Variants in PDCD11 observed in about 807,000 individuals in gnomAD.
PDCD11 encodes protein RRP5 homolog.
A neutral mutation model predicts 198.9 loss-of-function variants in PDCD11; 97 were observed. The observed-to-expected ratio is 0.49, with a 90% CI of 0.41 to 0.58. The LOEUF is 0.58. Among genes scored for constraint, PDCD11 ranks in the 20% least tolerant of loss-of-function variants. The pLI, the probability that PDCD11 is intolerant of heterozygous loss-of-function variation, is 0.00. For missense variants in PDCD11, 2,102 were observed against 2,312.7 expected, an observed-to-expected ratio of 0.91 and a Z score of 1.87; for synonymous variants, 893 against 918.0, an observed-to-expected ratio of 0.97 and a Z score of 0.49.
At chr10:103,404,734 G>C (rs1192343459) in intron 4 of PDCD11, among the ~76,000 whole-genome samples, 1 of 152,240 alleles carries the variant, frequency 6.6e-6, no homozygotes, top group Non-Finnish European at 1.5e-5. Context: ...ATTGCAGTGA[G>C]CCGAAGAATG....
At position 103,417,967 on chromosome 10, in the gene PDCD11, T is replaced by TA. The variant is rs758674999; in HGVS notation, c.1911+36dup. The TA allele has an allele frequency of 3.1e-6, 5 of 1,611,388 alleles. No individual in the cohort carries two copies. The South Asian group carries it at 3.3e-5, about 11-fold the overall frequency. The stretch of plus-strand genomic sequence containing the variant: ...CTTCTCTGGACAAGCTATTTTATGT[T>TA]ACAGTGGCAGAGAGCAGGGAACCAC... On this transcript the variant is annotated intron_variant, in intron 14 of 35. Transcript: ENST00000369797.
chr10:103,424,619 C>G (rs947058911), intron 19 of PDCD11, among the ~76,000 whole-genome samples: 1 of 152,174 alleles, frequency 6.6e-6, no homozygotes, highest in Non-Finnish European at 1.5e-5. Context: ...AGGACAGATT[C>G]AGGAACCACA....
chr10:103,445,303 A>T (rs2032558983), intron 35 of PDCD11, 75 bp from the exon 36 acceptor site: 1 of 1,405,720 alleles, frequency 7.1e-7, no homozygotes, highest in Admixed American at 1.7e-5. Context: ...GGCTGAGAGC[A>T]AGTGGGTGAG....
rs146207561 is a variant in PDCD11 at position 103,414,087 on chromosome 10, G to T, written c.1307G>T (p.Arg436Leu). The change falls in exon 10 of 36, where the codon CGA (arginine) becomes CTA (leucine). Residue 436 changes from arginine to leucine, a missense_variant. Arg to Leu is a moderately radical substitution (Grantham distance 102, BLOSUM62 -2). Transcript: ENST00000369797. ...GATGAACTGGCCTTGCTCTCTCTAC[G>T]AACGTAAGTCTGTCATTAACAGGTA... ...QMDELALLSLRTSIIEAQYLR... is the reference protein window; with the variant it reads ...QMDELALLSLLTSIIEAQYLR... 3 of 1,610,312 alleles carry T rather than the reference G, an allele frequency of 1.9e-6. No homozygotes were observed. Among genetic ancestry groups the T allele is most frequent in the Admixed American group, 3.4e-5 (2 of 59,578 alleles).
chr10:103,434,947 G>A lies in PDCD11; in HGVS notation c.3817G>A (p.Glu1273Lys). Reference protein sequence around the residue: ...MSDSYSETPLEDFVPQKVVRC... With the variant: ...MSDSYSETPLKDFVPQKVVRC... ...TGACTCCTACTCCGAGACGCCCCTG[G>A]AAGACTTCGTCCCCCAGAAGGTTGT... Residue 1273 changes from glutamate (E) to lysine (K), a missense_variant, in exon 25 of 36, where the codon GAA (glutamate) becomes AAA (lysine). Physicochemically the swap from Glu to Lys is moderately conservative, Grantham distance 56 (BLOSUM62 1). Coordinates refer to ENST00000369797, the MANE Select transcript of PDCD11 (RefSeq NM_014976.2). 6.3e-7 allele frequency: 1 copy of A among 1,583,646 alleles called. No individual in the cohort carries two copies. The highest frequency in any genetic ancestry group is 8.6e-7 in the Non-Finnish European group (1 of 1,164,590).
intron 12 of PDCD11, among the ~76,000 whole-genome samples, chr10:103,415,835 G>T (rs1374688657): frequency 6.6e-6 from 1 of 152,178 alleles, no homozygotes. Flanking sequence ...TATGACAAAG[G>T]CTCGAATCCG....
At chr10:103,400,331 G>T in intron 2 of PDCD11, 66 bp from the exon 3 acceptor site, 1 of 1,491,380 alleles carries the variant, frequency 6.7e-7, no homozygotes, top group Non-Finnish European at 9.1e-7. Flanking sequence ...ACCTGAAATA[G>T]GAGGGAAAAC....
In PDCD11 at chr10:103,421,539, G is replaced by T; in HGVS notation, c.2469G>T (p.Gln823His). 6.4e-7 allele frequency: 1 copy of T among 1,568,898 alleles called. No homozygotes were observed. Among genetic ancestry groups the T allele is most frequent in the South Asian group, 1.2e-5 (1 of 85,574 alleles). ...TGAATCAGTGCCTGGAGGAGCTGCA[G>T]GGCGTGCGCAGCCTTATGAGCAACC... ...LLLNQCLEEL[Q>H]GVRSLMSNRD... is the part of the protein sequence containing the mutation. The change falls in exon 17 of 36, where the codon CAG (glutamine) becomes CAT (histidine). Residue 823 changes from glutamine to histidine, a missense_variant. By Grantham distance (24) the Gln-to-His change is conservative. Coordinates refer to ENST00000369797, the MANE Select transcript of PDCD11 (RefSeq NM_014976.2).
chr10:103,444,796 G>C, intron 35 of PDCD11, 114 bp downstream of exon 35: 1 of 970,622 alleles, frequency 1.0e-6, no homozygotes, highest in Non-Finnish European at 1.6e-6. Context: ...AAACCAGCTA[G>C]ATGTGATGCC....
At chr10:103,421,840 G>A (rs1010810532) in intron 17 of PDCD11, among the ~76,000 whole-genome samples, 5 of 150,818 alleles carry the variant, frequency 3.3e-5, no homozygotes, top group South Asian at 4.2e-4. Context: ...GGTGGCGGGC[G>A]CCTGTAGTCC....
Position 103,432,234 on chromosome 10 carries a change from A to G in PDCD11, c.3474A>G (p.Lys1158=). 3 of 1,603,696 alleles carry G rather than the reference A, an allele frequency of 1.9e-6. No individual in the cohort carries two copies. The highest frequency in any genetic ancestry group is 2.6e-6 in the Non-Finnish European group (3 of 1,170,524). Residue 1158 remains lysine, a splice_region_variant and synonymous_variant, in exon 22 of 36, where the codon AAA becomes AAG. Coordinates refer to ENST00000369797, the MANE Select transcript of PDCD11 (RefSeq NM_014976.2). ...AGQTVTCFLK[K]YNVVKKWLEV... is the part of the protein sequence containing the mutation. ...AGACTGTTACTTGCTTCTTAAAGAA[A>G]GTAAGTAGTTTTGCCACTCGGCAAT...
rs568474225 is a variant in PDCD11 at position 103,415,241 on chromosome 10, G to A, written c.1518+90G>A. On this transcript the variant is annotated intron_variant, in intron 12 of 35. Coordinates refer to ENST00000369797, the MANE Select transcript of PDCD11 (RefSeq NM_014976.2). ...GTTTCTGCCTTTTTCCACAAAGTGA[G>A]TGTGTAATGTCTGTAGTGTGTCTTG... 1.2e-4 allele frequency: 164 copies of A among 1,318,132 alleles called. 1 individual carries two copies. In the South Asian group the frequency reaches 2.0e-3, roughly 16 times the overall value. 81.7% of individuals were successfully genotyped at this position (1,318,132 alleles called of 1,614,324 possible). A position where few individuals can be genotyped will look rare whatever the true frequency, so the allele number is the denominator to read the frequency against.
chr10:103,430,986 G>T (rs1028501269), intron 21 of PDCD11, among the ~76,000 whole-genome samples: 14 of 151,938 alleles, frequency 9.2e-5, no homozygotes, highest in African/African-American at 2.9e-4. Flanking sequence ...TTTTAGTAGA[G>T]ACGGGGTTTC....
Position 103,443,954 on chromosome 10 carries a change from C to T in PDCD11, c.5164C>T (p.Arg1722Trp), listed in dbSNP as rs749639931. Reference sequence around the variant, plus strand: ...CTACAACCGGATGCTGAAGCGTTTCCGGCAGGAGAAAGCTGTGTGGATCAA... The same window carrying T: ...CTACAACCGGATGCTGAAGCGTTTCTGGCAGGAGAAAGCTGTGTGGATCAA... ...ELYNRMLKRF[R>W]QEKAVWIKYG... Residue 1722 changes from arginine (R) to tryptophan (W), a missense_variant, in exon 34 of 36, where the codon CGG (arginine) becomes TGG (tryptophan). Arg to Trp is a moderately radical substitution (Grantham distance 101). Transcript: ENST00000369797. 17 of 1,614,046 alleles carry T rather than the reference C, an allele frequency of 1.1e-5. No individual in the cohort carries two copies. Among genetic ancestry groups the T allele is most frequent in the African/African-American group, 6.7e-5 (5 of 74,906 alleles).
chr10:103,440,223 C>T (rs1462480785), intron 28 of PDCD11, 67 bp from the exon 29 acceptor site: 1 of 1,539,778 alleles, frequency 6.5e-7, no homozygotes, highest in Non-Finnish European at 8.7e-7. Flanking sequence ...AGGAAAAAGG[C>T]CTGGGCCGCC....
intron 18 of PDCD11, 152 bp downstream of exon 18, chr10:103,423,289 T>TTGC: frequency 1.3e-6 from 1 of 770,796 alleles, no homozygotes; most frequent in Non-Finnish European, 2.0e-6. Flanking sequence ...TGCAAAGGCT[T>TTGC]AGGTATGAAT....
At chr10:103,409,865 T>A (rs1292342825) in intron 8 of PDCD11, 59 bp downstream of exon 8, 7 of 1,229,560 alleles carry the variant, frequency 5.7e-6, no homozygotes, top group Non-Finnish European at 7.2e-6. Flanking sequence ...TGCTGTCCAG[T>A]ATCACAGCTA....
Position 103,406,799 on chromosome 10 carries a change from T to C in PDCD11, c.870+9T>C. ...AAGCTCAGGTACAGAAGGTAAGCTG[T>C]TATGCTACTACTACTTTTTAAAATA... On this transcript the variant is annotated intron_variant, in intron 7 of 35. Transcript: ENST00000369797. The C allele has an allele frequency of 1.9e-6, 3 of 1,589,840 alleles. No individual in the cohort carries two copies. The South Asian group carries it at 3.4e-5, about 18-fold the overall frequency.
chr10:103,405,051 A>G lies in PDCD11; in HGVS notation c.432A>G (p.Ser144=). ...TACTTCACTTGCCTGAACTTTTCTC[A>G]CCTGGAATGCTGGTAAGATGTGTGG... ...KDLLHLPELF[S]PGMLVRCVVS... The change falls in exon 5 of 36, where the codon TCA becomes TCG. Residue 144 remains serine (S), a synonymous_variant. Coordinates refer to ENST00000369797, the MANE Select transcript of PDCD11 (RefSeq NM_014976.2). 1 of 1,613,960 alleles carries G rather than the reference A, an allele frequency of 6.2e-7. No individual in the cohort carries two copies. Among genetic ancestry groups the G allele is most frequent in the Admixed American group, 1.7e-5 (1 of 60,000 alleles).
Sources: allele counts gnomAD v4.1 joint callset (sites outside exome capture counted in the v4.1 genomes callset), GRCh38; gene constraint gnomAD v4.1.1; transcripts MANE v1.5; gene names NCBI Gene and HGNC (gene_info 2026-07-23, HGNC 2026-07-21).